The following DOC2A variants were observed in gnomAD, a reference collection of about 807,000 sequenced individuals.
The protein encoded by DOC2A is double C2-like domain-containing protein alpha.
DOC2A carries 28 observed loss-of-function variants against 40.6 expected under a neutral mutation model. The observed-to-expected ratio is 0.69, with a 90% CI of 0.51 to 0.95. The LOEUF is 0.95. Among genes scored for constraint, DOC2A ranks in the 40% least tolerant of loss-of-function variants. DOC2A has a pLI of 0.00. For missense variants in DOC2A, 474 were observed against 552.5 expected (o/e 0.86, Z 1.42); for synonymous variants, 241 against 236.9 (o/e 1.02, Z -0.16).
At chr16:30,011,756 C>T (rs1429675585), upstream of DOC2A, 1 of 152,316 alleles carries the variant, frequency 6.6e-6, no homozygotes, top group Non-Finnish European at 1.5e-5. Context: ...CCCCCACGCC[C>T]CCTCCCTTTG....
chr16:30,009,446 G>A lies in DOC2A; in HGVS notation c.342+32C>T, dbSNP rs917908736. 15 of 1,548,624 alleles carry A rather than the reference G, an allele frequency of 9.7e-6. No individual in the cohort carries two copies. The highest frequency in any genetic ancestry group is 7.3e-5 in the East Asian group (3 of 40,910). ...CCCCTCTGGGGGCTGCACGCAAACC[G>A]GGCCCGGGCTTGGGTGGCAGGGAGT... On this transcript the variant is annotated intron_variant, in intron 3 of 10. Coordinates refer to ENST00000350119, the MANE Select transcript of DOC2A (RefSeq NM_003586.3). This position sits in a 1 kb window ranked among gnomAD's most constrained non-coding sequence, Gnocchi z 4.1.
Position 30,006,375 on chromosome 16 carries a change from TGCCC to T in DOC2A, c.1057+34_1057+37del, listed in dbSNP as rs765248168. The stretch of plus-strand genomic sequence containing the variant: ...GGGTCAGGGCCACCTCCCTGCCACT[TGCCC>T]GCCCTCAACACCCGCAGCCAGCTCC... On this transcript the variant is annotated intron_variant, in intron 10 of 10. Transcript: ENST00000350119. The surrounding 1 kb of genome is among the most constrained non-coding windows in gnomAD (Gnocchi z 6.2). 1 of 1,613,216 alleles carries T rather than the reference TGCCC, an allele frequency of 6.2e-7. No individual in the cohort carries two copies. Among genetic ancestry groups the T allele is most frequent in the Non-Finnish European group, 8.5e-7 (1 of 1,179,858 alleles).
chr16:30,013,269 C>CTT (rs760313011), upstream of DOC2A, among the ~76,000 whole-genome samples: 3 of 110,426 alleles, frequency 2.7e-5, no homozygotes, highest in Non-Finnish European at 3.8e-5. Flanking sequence ...TTTTTCTTTT[C>CTT]TTTTTTTTTT....
rs1263946635 is a variant in DOC2A at position 30,010,038 on chromosome 16, G to T, written c.185C>A (p.Ala62Asp). The change falls in exon 2 of 11, where the codon GCC becomes GAC. Residue 62 changes from alanine to aspartate, a missense_variant. Coordinates refer to ENST00000350119, the MANE Select transcript of DOC2A (RefSeq NM_003586.3). This position sits in a 1 kb window ranked among gnomAD's most constrained non-coding sequence, Gnocchi z 4.2. Reference protein sequence around the residue: ...APAHLVPLALAPPAALLGATT... With the variant: ...APAHLVPLALDPPAALLGATT... ...GGCCCCAAGGAGGGCTGCAGGGGGG[G>T]CCAGAGCCAGGGGGACCAGATGGGC... The T allele has an allele frequency of 6.2e-7, 1 of 1,611,790 alleles. No individual in the cohort carries two copies. The highest frequency in any genetic ancestry group is 8.5e-7 in the Non-Finnish European group (1 of 1,179,572).
At position 30,005,577 on chromosome 16, in the gene DOC2A, G is replaced by A. The variant is rs962640287; in HGVS notation, c.*609C>T. ...CCGGCCACTGACACAACCAGAAAAG[G>A]CGTAAACATGCACGGGTGTCCCCCA... On this transcript the variant is annotated 3_prime_UTR_variant, in exon 11 of 11. Coordinates refer to ENST00000350119, the MANE Select transcript of DOC2A (RefSeq NM_003586.3). 23 of 855,310 alleles carry A rather than the reference G, an allele frequency of 2.7e-5. 1 individual carries two copies. The South Asian group carries it at 3.4e-4, about 13-fold the overall frequency. 53.0% of individuals were successfully genotyped at this position (855,310 alleles called of 1,614,324 possible). A position where few individuals can be genotyped will look rare whatever the true frequency, so the allele number is the denominator to read the frequency against.
chr16:30,013,112 A>C (rs1012922693), upstream of DOC2A, among the ~76,000 whole-genome samples: 1 of 144,266 alleles, frequency 6.9e-6, no homozygotes, highest in East Asian at 2.2e-4. Flanking sequence ...CCTTGAGCTC[A>C]GAAGTTCAAG....
chr16:30,016,785 A>C (rs2070860362), upstream of DOC2A, among the ~76,000 whole-genome samples: 1 of 152,230 alleles, frequency 6.6e-6, no homozygotes, highest in Admixed American at 6.5e-5. Context: ...CCCAAGGTCA[A>C]TGAGCTGTGA....
upstream of DOC2A, chr16:30,011,439 G>GC (rs1209231949): frequency 1.0e-6 from 1 of 983,716 alleles, no homozygotes; most frequent in African/African-American, 1.8e-5. Context: ...GGGAGACCTG[G>GC]CCCCCCGCCC....
At chr16:30,008,788 G>A (rs1034458025) in intron 5 of DOC2A, 3 of 558,678 alleles carry the variant, frequency 5.4e-6, no homozygotes, top group East Asian at 6.4e-5. Flanking sequence ...TTACAGGTGT[G>A]AGCCACCACA....
chr16:30,022,017 G>A (rs2070917726), upstream of DOC2A, among the ~76,000 whole-genome samples: 2 of 150,578 alleles, frequency 1.3e-5, no homozygotes, highest in Admixed American at 6.6e-5. Flanking sequence ...GGGAGGCCGA[G>A]GCAGGCGGAT....
chr16:30,007,623 G>A (rs2070657824), intron 5 of DOC2A: 1 of 420,402 alleles, frequency 2.4e-6, no homozygotes, highest in Non-Finnish European at 4.5e-6. Context: ...CACAGGCCGT[G>A]AGAGCTAGAA....
upstream of DOC2A, chr16:30,023,060 T>G (rs1196797502): frequency 1.2e-5 from 4 of 331,194 alleles, no homozygotes; most frequent in East Asian, 2.2e-4. Flanking sequence ...TTGTGCCTGT[T>G]GTCCAAACAC....
upstream of DOC2A, among the ~76,000 whole-genome samples, chr16:30,022,024 G>A (rs953701047): frequency 2.0e-5 from 3 of 151,774 alleles, no homozygotes; most frequent in African/African-American, 7.3e-5. Flanking sequence ...CGAGGCAGGC[G>A]GATCATCCGA....
chr16:30,019,646 G>A (rs913102222), intron 1 of DOC2A, among the ~76,000 whole-genome samples: 3 of 152,216 alleles, frequency 2.0e-5, no homozygotes, highest in Admixed American at 6.5e-5. Context: ...CAACCCCAAA[G>A]GCCATAGGTT....
intron 1 of DOC2A, among the ~76,000 whole-genome samples, chr16:30,019,426 C>A (rs906899594): frequency 6.6e-6 from 1 of 152,142 alleles, no homozygotes; most frequent in Admixed American, 6.6e-5. Flanking sequence ...TCTATGAGTT[C>A]TCTCCCTTGT....
chr16:30,021,875 C>A (rs545586908), upstream of DOC2A, among the ~76,000 whole-genome samples: 2 of 151,944 alleles, frequency 1.3e-5, no homozygotes, highest in Non-Finnish European at 2.9e-5. Flanking sequence ...GAGGAACCCC[C>A]CCCCCAGGAA....
At chr16:30,007,428 G>C (rs939038534) in intron 5 of DOC2A, 129 bp from the exon 6 acceptor site, 49 of 1,347,676 alleles carry the variant, frequency 3.6e-5, no homozygotes, top group Non-Finnish European at 5.0e-5. Context: ...GCTGGCACTT[G>C]AGAAGGACAA....
At chr16:30,015,430 G>A (rs1241867610), upstream of DOC2A, among the ~76,000 whole-genome samples, 2 of 152,032 alleles carry the variant, frequency 1.3e-5, no homozygotes, top group South Asian at 2.1e-4. Context: ...ATTCTCCCGC[G>A]TCACACTCCT....
chr16:30,006,565 C>A lies in DOC2A; in HGVS notation c.960+31G>T. ...GCCAGCTCCCCAGCCCCTCCCTGGC[C>A]TCCCTCCATGTCCCGTCCCCTCCTG... On this transcript the variant is annotated intron_variant, in intron 9 of 10. Transcript: ENST00000350119. This position sits in a 1 kb window ranked among gnomAD's most constrained non-coding sequence, Gnocchi z 6.2. 6.2e-7 allele frequency: 1 copy of A among 1,613,630 alleles called. No individual in the cohort carries two copies. Among genetic ancestry groups the A allele is most frequent in the Non-Finnish European group, 8.5e-7 (1 of 1,179,666 alleles).
Sources: allele counts gnomAD v4.1 joint callset (sites outside exome capture counted in the v4.1 genomes callset), GRCh38; gene constraint gnomAD v4.1.1; non-coding constraint Gnocchi (gnomAD v3.1); transcripts MANE v1.5; gene names NCBI Gene and HGNC (gene_info 2026-07-23, HGNC 2026-07-21).